Variants in KCNN2 observed in about 807,000 individuals in gnomAD.
KCNN2 encodes potassium calcium-activated channel subfamily N member 2.
Under a neutral mutation model 55.5 loss-of-function variants are expected in KCNN2, and 24 were observed. The ratio of observed to expected loss-of-function variants is 0.43; its 90% CI spans 0.31 to 0.61. KCNN2 has a LOEUF of 0.61. Among genes scored for constraint, KCNN2 ranks in the 20% least tolerant of loss-of-function variants. The pLI, the probability that KCNN2 is intolerant of heterozygous loss-of-function variation, is 0.08. For missense variants in KCNN2, 754 were observed against 853.6 expected (o/e 0.88, Z 1.45); for synonymous variants, 431 against 336.1 (o/e 1.28, Z -3.09).
chr5:114,411,725 A>G (rs1249249497), intron 3 of KCNN2, among the ~76,000 whole-genome samples: 1 of 152,144 alleles, frequency 6.6e-6, no homozygotes, highest in Non-Finnish European at 1.5e-5. Context: ...GTCCTGTCCT[A>G]GCCCCCAGCC....
chr5:114,181,096 G>C (rs1753228159), intron 1 of KCNN2, among the ~76,000 whole-genome samples: 1 of 152,140 alleles, frequency 6.6e-6, no homozygotes, highest in Non-Finnish European at 1.5e-5. Context: ...ATACTCTCAT[G>C]CAAGTATTTT....
chr5:114,248,602 A>G (rs1754795569), intron 2 of KCNN2, among the ~76,000 whole-genome samples: 2 of 152,224 alleles, frequency 1.3e-5, no homozygotes, highest in Admixed American at 6.5e-5. Context: ...ATAAGTGTAC[A>G]TGGTTTTGTA....
intron 3 of KCNN2, among the ~76,000 whole-genome samples, chr5:114,418,323 C>T (rs1759368780): frequency 6.6e-6 from 1 of 152,146 alleles, no homozygotes; most frequent in South Asian, 2.1e-4. Flanking sequence ...ACAAATTGGT[C>T]TTGGAAAACT....
intron 1 of KCNN2, among the ~76,000 whole-genome samples, chr5:114,148,119 G>A (rs1752442325): frequency 6.6e-6 from 1 of 152,128 alleles, no homozygotes. Context: ...TCTAGCTGTA[G>A]GAGCTGAATT....
chr5:114,255,983 A>C (rs1198888564), intron 2 of KCNN2, among the ~76,000 whole-genome samples: 1 of 151,952 alleles, frequency 6.6e-6, no homozygotes, highest in African/African-American at 2.4e-5. Context: ...CTAATTTCTC[A>C]TCTCCCATCC....
intron 2 of KCNN2, among the ~76,000 whole-genome samples, chr5:114,397,123 A>G (rs1033987049): frequency 2.6e-5 from 4 of 152,126 alleles, no homozygotes; most frequent in South Asian, 2.1e-4. Flanking sequence ...CCCTCTACCA[A>G]TGAAGGGCAT....
intron 6 of KCNN2, 52 bp from the exon 7 acceptor site, chr5:114,493,351 A>G (rs779469271): frequency 1.8e-5 from 20 of 1,100,552 alleles, no homozygotes; most frequent in Admixed American, 1.0e-4. Flanking sequence ...GGAAGGCATA[A>G]GATTGCCATA....
chr5:114,448,607 C>T (rs920369462), intron 3 of KCNN2, among the ~76,000 whole-genome samples: 3 of 152,206 alleles, frequency 2.0e-5, no homozygotes, highest in African/African-American at 4.8e-5. Flanking sequence ...TGTCTGGAAT[C>T]ATCTTCATCT....
rs545110863 is a variant in KCNN2, at chr5:114,295,032, C to G, written c.-184-65913C>G. Among the ~76,000 whole-genome samples, 95 of 152,162 alleles carry G rather than the reference C, an allele frequency of 6.2e-4. 3 individuals are homozygous for G. The South Asian group carries it at 0.019, about 30-fold the overall frequency. ...TTTGTTTTCCATTTGCTTGGTAGAT[C>G]TTCCTCCATCCCTATGATTGTTCCT... is the stretch of plus-strand genomic sequence containing the variant. On this transcript the variant is annotated intron_variant, in intron 2 of 10. Transcript: ENST00000512097.
chr5:114,064,735 G>A (rs1018713912), intron 1 of KCNN2, among the ~76,000 whole-genome samples: 28 of 152,312 alleles, frequency 1.8e-4, no homozygotes, highest in African/African-American at 6.5e-4. Flanking sequence ...GGGGCATTTT[G>A]AAAGTTCCTG....
Position 114,158,811 on chromosome 5 carries a change from T to A in KCNN2, c.-270-62669T>A, listed in dbSNP as rs1580570225. The stretch of plus-strand genomic sequence containing the variant: ...ATGATTTGGCTCTCTGTTTGTCTGT[T>A]ATTGGTGTATAAGAATGCTTGTGAT... On this transcript the variant is annotated intron_variant, in intron 1 of 10. Transcript: ENST00000512097. 2.6e-5 allele frequency among the ~76,000 whole-genome samples: 4 copies of A among 152,158 alleles called. No homozygotes were observed. The South Asian group carries it at 8.3e-4, about 32-fold the overall frequency.
intron 5 of KCNN2, among the ~76,000 whole-genome samples, chr5:114,473,935 C>G (rs1008350753): frequency 1.3e-5 from 2 of 152,162 alleles, no homozygotes; most frequent in Non-Finnish European, 2.9e-5. Flanking sequence ...TTTTATTAGA[C>G]TAAATTTTTA....
At position 114,451,699 on chromosome 5, in the gene KCNN2, A is replaced by G. The variant is rs1760688148; in HGVS notation, c.1638-11350A>G. The stretch of plus-strand genomic sequence containing the variant: ...ATTATGAGGTCAGGAGATCAAGACC[A>G]TCCTGCCTAACATGGTGAAACCCCA... On this transcript the variant is annotated intron_variant, in intron 3 of 7. Coordinates refer to ENST00000673685, the MANE Select transcript of KCNN2 (RefSeq NM_021614.4). 2.6e-5 allele frequency among the ~76,000 whole-genome samples: 4 copies of G among 152,222 alleles called. No homozygotes were observed. In the South Asian group the frequency reaches 8.3e-4, roughly 32 times the overall value.
intron 1 of KCNN2, among the ~76,000 whole-genome samples, chr5:114,208,254 G>C (rs947752093): frequency 2.6e-5 from 4 of 152,098 alleles, no homozygotes; most frequent in African/African-American, 9.7e-5. Flanking sequence ...TGTAATTGTG[G>C]CTACTTTATC....
At chr5:114,098,304 A>G (rs1341251050) in intron 1 of KCNN2, among the ~76,000 whole-genome samples, 1 of 151,980 alleles carries the variant, frequency 6.6e-6, no homozygotes, top group Non-Finnish European at 1.5e-5. Flanking sequence ...TAGGACTTGG[A>G]TTCTTTAGGG....
chr5:114,227,809 T>C (rs897779435), intron 2 of KCNN2, among the ~76,000 whole-genome samples: 11 of 152,144 alleles, frequency 7.2e-5, no homozygotes, highest in Non-Finnish European at 1.3e-4. Context: ...ATAGCAAGGT[T>C]GCAGTGAAGA....
chr5:114,266,480 C>G (rs1461125677), intron 2 of KCNN2, among the ~76,000 whole-genome samples: 1 of 152,146 alleles, frequency 6.6e-6, no homozygotes, highest in Non-Finnish European at 1.5e-5. Context: ...GACCTAGATG[C>G]TGGGTAGTTA....
chr5:114,139,469 C>T (rs1013224038), intron 1 of KCNN2, among the ~76,000 whole-genome samples: 2 of 144,370 alleles, frequency 1.4e-5, no homozygotes, highest in Admixed American at 1.4e-4. Context: ...ACCCCCCCCA[C>T]ACACACACAC....
At chr5:114,192,854 C>G (rs1753478036) in intron 1 of KCNN2, among the ~76,000 whole-genome samples, 1 of 152,110 alleles carries the variant, frequency 6.6e-6, no homozygotes, top group African/African-American at 2.4e-5. Context: ...CTGTTCTACT[C>G]TTTGCCCCCA....
Sources: gnomAD v4.1 joint callset for allele counts (sites outside exome capture counted in the v4.1 genomes callset) on GRCh38, gnomAD v4.1.1 for gene constraint, MANE v1.5 for transcripts, NCBI Gene and HGNC (gene_info 2026-07-23, HGNC 2026-07-21) for gene names.